Variants in RAI2 observed in about 807,000 individuals in gnomAD.
The protein encoded by RAI2 is retinoic acid induced 2, also known as retinoic acid-induced protein 2.
Under a neutral mutation model 15.3 loss-of-function variants are expected in RAI2, and 5 were observed. The observed-to-expected ratio is 0.33, with a 90% CI of 0.17 to 0.69. The LOEUF (loss-of-function observed/expected upper bound fraction) is 0.69, where lower values mean the gene tolerates loss of function less well. Among genes scored for constraint, RAI2 ranks in the 30% least tolerant of loss-of-function variants. RAI2 has a pLI of 0.69. For missense variants in RAI2, 424 were observed against 424.7 expected (o/e 1.00, Z 0.01); for synonymous variants, 191 against 184.0 (o/e 1.04, Z -0.31).
chrX:17,856,826 C>T (rs2067613536), intron 1 of RAI2, among the ~76,000 whole-genome samples: 1 of 111,835 alleles, frequency 8.9e-6, no homozygotes, highest in African/African-American at 3.3e-5. Context: ...GATACAGAAA[C>T]GTGATCAAAT....
chrX:17,802,506 G>A (rs964806437), intron 1 of RAI2, among the ~76,000 whole-genome samples: 1 of 112,254 alleles, frequency 8.9e-6, no homozygotes, highest in East Asian at 2.8e-4. Context: ...TATGGAAAAT[G>A]GCATTTTAAA....
chrX:17,828,808 GAGCTCT>G (rs1313318328), intron 1 of RAI2, among the ~76,000 whole-genome samples: 4 of 111,415 alleles, frequency 3.6e-5, no homozygotes, highest in African/African-American at 1.3e-4. Context: ...CTCTGTCCCT[GAGCTCT>G]GTGGCCTGGG....
At chrX:17,812,747 G>A (rs996187196) in intron 1 of RAI2, among the ~76,000 whole-genome samples, 10 of 112,035 alleles carry the variant, frequency 8.9e-5, no homozygotes, top group African/African-American at 3.2e-4. Flanking sequence ...AAGTGGAAGC[G>A]GAGAGGATGA....
intron 1 of RAI2, among the ~76,000 whole-genome samples, chrX:17,859,034 G>A (rs967820755): frequency 1.8e-5 from 2 of 111,518 alleles, no homozygotes; most frequent in Admixed American, 1.9e-4. Context: ...GTATGTGGGG[G>A]TGTGGGGGCA....
intron 1 of RAI2, among the ~76,000 whole-genome samples, chrX:17,825,417 G>A (rs770861820): frequency 6.2e-5 from 7 of 112,761 alleles, no homozygotes; most frequent in Non-Finnish European, 1.3e-4. Context: ...GAAGTGAAAA[G>A]CCACATAGGG....
At chrX:17,831,408 G>A (rs2067281119) in intron 1 of RAI2, among the ~76,000 whole-genome samples, 1 of 111,538 alleles carries the variant, frequency 9.0e-6, no homozygotes, top group Non-Finnish European at 1.9e-5. Context: ...GGCCTCTTAG[G>A]CAAGAGTACA....
intron 1 of RAI2, among the ~76,000 whole-genome samples, chrX:17,835,294 A>G (rs2067322237): frequency 8.9e-6 from 1 of 112,495 alleles, no homozygotes; most frequent in Admixed American, 9.4e-5. Flanking sequence ...GTGCGGGATC[A>G]GACGAGGCAA....
rs188323887 is a variant in RAI2 at position 17,859,120 on chromosome X, C to A, written c.-25+1978G>T. On this transcript the variant is annotated intron_variant, in intron 1 of 1. Transcript: ENST00000451717. ...TTACAATTCTCTGCCTTCCAGCCCA[C>A]CCCTGGCTTCTCATGTTCCCGTTTG... is the stretch of plus-strand genomic sequence containing the variant. 6.8e-3 allele frequency among the ~76,000 whole-genome samples: 757 copies of A among 111,583 alleles called. 4 individuals carry two copies. The highest frequency in any genetic ancestry group is 0.024 in the African/African-American group (728 of 30,631).
chrX:17,801,627 C>T lies in RAI2; in HGVS notation c.384G>A (p.Gln128=). 2.5e-6 allele frequency: 3 copies of T among 1,211,600 alleles called. No homozygotes were observed. The highest frequency in any genetic ancestry group is 2.2e-6 in the Non-Finnish European group (2 of 895,367). The part of the protein sequence containing the change: ...GPVQLPVVLE[Q]HVFQHLNSPL... ...GGGAGTTGAGGTGCTGAAAGACGTG[C>T]TGCTCCAGCACCACGGGCAGTTGCA... is the stretch of plus-strand genomic sequence containing the variant. Residue 128 remains glutamine (Q), a synonymous_variant, in exon 2 of 2, where the codon CAG becomes CAA. Transcript: ENST00000451717.
In RAI2 at chrX:17,852,216, C is replaced by G. The variant is rs528067626; in HGVS notation, c.-25+8882G>C. 6.9e-4 allele frequency among the ~76,000 whole-genome samples: 77 copies of G among 112,200 alleles called. 1 individual carries two copies. In the South Asian group the frequency reaches 0.028, roughly 41 times the overall value. ...GGATCCCTACCAGCTTGTTGCCTCT[C>G]TCTTCATGGCGACAAGGAAGACTTC... On this transcript the variant is annotated intron_variant, in intron 1 of 1. Coordinates refer to ENST00000451717, the MANE Select transcript of RAI2 (RefSeq NM_021785.6).
chrX:17,821,772 C>G (rs749581593), intron 1 of RAI2, among the ~76,000 whole-genome samples: 16 of 111,530 alleles, frequency 1.4e-4, no homozygotes, highest in Non-Finnish European at 2.8e-4. Flanking sequence ...GGCCACGCAT[C>G]TAGGTAGGGG....
intron 1 of RAI2, among the ~76,000 whole-genome samples, chrX:17,823,100 C>T (rs1276798025): frequency 8.9e-6 from 1 of 112,689 alleles, no homozygotes; most frequent in African/African-American, 3.2e-5. Flanking sequence ...AACTCAGCCA[C>T]TGACTGGCTG....
At position 17,801,141 on chromosome X, in the gene RAI2, G is replaced by A. The variant is rs372727665; in HGVS notation, c.870C>T (p.Pro290=). ...ACTCCTTAGGCTGGAGGATGTCAAA[G>A]GGCTTCAGTTCATCTTTTTCCAGAG... ...QTPLEKDELK[P]FDILQPKEYF... Residue 290 remains proline, a synonymous_variant, in exon 2 of 2, where the codon CCC becomes CCT. Coordinates refer to ENST00000451717, the MANE Select transcript of RAI2 (RefSeq NM_021785.6). 7.4e-6 allele frequency: 9 copies of A among 1,209,585 alleles called. No individual in the cohort carries two copies. Among genetic ancestry groups the A allele is most frequent in the Non-Finnish European group, 1.0e-5 (9 of 895,055 alleles).
chrX:17,809,410 A>G (rs1007208632), intron 1 of RAI2, among the ~76,000 whole-genome samples: 1 of 111,665 alleles, frequency 9.0e-6, no homozygotes, highest in African/African-American at 3.3e-5. Flanking sequence ...AAGCGTCAGA[A>G]ACTGGCCATA....
At position 17,801,346 on chromosome X, in the gene RAI2, G is replaced by T; in HGVS notation, c.665C>A (p.Ser222Tyr). 8.7e-7 allele frequency: 1 copy of T among 1,152,358 alleles called. No individual in the cohort carries two copies. Among genetic ancestry groups the T allele is most frequent in the Non-Finnish European group, 1.2e-6 (1 of 866,769 alleles). The allele number at this position is 1,152,358 out of a possible 1,213,427, so 95.0% of individuals were successfully genotyped here. ...GAGGGTGGCTGGTGGGACCAGGGGG[G>T]ACAAGGGGGAGCTAAAAGGCTGTGG... ...VPPQPFSSPL[S>Y]PLVPPATLLV... The change falls in exon 2 of 2, where the codon TCC becomes TAC. Residue 222 changes from serine (S) to tyrosine (Y), a missense_variant. Coordinates refer to ENST00000451717, the MANE Select transcript of RAI2 (RefSeq NM_021785.6).
Position 17,801,702 on chromosome X carries a change from C to T in RAI2, c.309G>A (p.Glu103=). Reference sequence around the variant, plus strand: ...AGGTGGCATTGCCATTCGGATTGAGCTCTGGTGCGGAGCTTCCCTCCACCT... The same window carrying T: ...AGGTGGCATTGCCATTCGGATTGAGTTCTGGTGCGGAGCTTCCCTCCACCT... ...HMQVEGSSAP[E]LNPNGNATYV... Residue 103 remains glutamate (E), a synonymous_variant, in exon 2 of 2, where the codon GAG becomes GAA. Coordinates refer to ENST00000451717, the MANE Select transcript of RAI2 (RefSeq NM_021785.6). 8.3e-7 allele frequency: 1 copy of T among 1,211,942 alleles called. No individual in the cohort carries two copies. The highest frequency in any genetic ancestry group is 1.1e-6 in the Non-Finnish European group (1 of 895,583).
At chrX:17,842,869 A>G (rs182896999) in intron 1 of RAI2, among the ~76,000 whole-genome samples, 14 of 112,141 alleles carry the variant, frequency 1.2e-4, no homozygotes, top group Admixed American at 1.1e-3. Flanking sequence ...GCCAGAAGAG[A>G]AGGATTCCTG....
At chrX:17,849,933 C>T (rs1433870618) in intron 1 of RAI2, among the ~76,000 whole-genome samples, 8 of 111,964 alleles carry the variant, frequency 7.1e-5, no homozygotes, top group African/African-American at 2.3e-4. Context: ...ACATTAAACT[C>T]AAGCCTTCCA....
intron 1 of RAI2, among the ~76,000 whole-genome samples, chrX:17,859,259 C>A (rs1003710287): frequency 1.8e-5 from 2 of 111,736 alleles, no homozygotes; most frequent in African/African-American, 6.5e-5. Context: ...TGTCACAAGT[C>A]TCTCGGTCCA....
Sources: gnomAD v4.1 joint callset for allele counts (sites outside exome capture counted in the v4.1 genomes callset) on GRCh38, gnomAD v4.1.1 for gene constraint, MANE v1.5 for transcripts, NCBI Gene and HGNC (gene_info 2026-07-23, HGNC 2026-07-21) for gene names.